Variants in GABRB1 observed in about 807,000 individuals in gnomAD.
GABRB1 encodes gamma-aminobutyric acid receptor subunit beta-1.
GABRB1 carries 17 observed loss-of-function variants against 51.6 expected under a neutral mutation model. The ratio of observed to expected loss-of-function variants is 0.33; its 90% CI spans 0.23 to 0.49. The LOEUF (loss-of-function observed/expected upper bound fraction) is 0.49. Among genes scored for constraint, GABRB1 ranks in the 20% least tolerant of loss-of-function variants. The pLI is 0.99. For missense variants in GABRB1, 410 were observed against 600.6 expected (o/e 0.68, Z 3.32); for synonymous variants, 247 against 218.9 (o/e 1.13, Z -1.14).
At chr4:47,323,422 A>T (rs1330096735) in intron 5 of GABRB1, among the ~76,000 whole-genome samples, 1 of 152,208 alleles carries the variant, frequency 6.6e-6, no homozygotes, top group African/African-American at 2.4e-5. Flanking sequence ...CTAAGTACAT[A>T]ATCAATATGT....
chr4:47,037,298 A>G (rs13116355), intron 3 of GABRB1, among the ~76,000 whole-genome samples: 35,877 of 152,162 alleles, frequency 0.24, 5,451 homozygotes, highest in Middle Eastern at 0.4. Context: ...GCTGTCAGTA[A>G]GTTCTCTGAG....
intron 3 of GABRB1, among the ~76,000 whole-genome samples, chr4:47,041,309 G>A (rs1725825707): frequency 6.6e-6 from 1 of 152,092 alleles, no homozygotes; most frequent in Non-Finnish European, 1.5e-5. Context: ...TCCTCTACAA[G>A]TTGGTCTCCT....
At chr4:47,227,731 G>A (rs1720996952) in intron 4 of GABRB1, among the ~76,000 whole-genome samples, 1 of 152,120 alleles carries the variant, frequency 6.6e-6, no homozygotes, top group South Asian at 2.1e-4. Context: ...TAGACTAGGT[G>A]TCTTAAATAA....
chr4:47,235,559 A>G (rs1288712601), intron 4 of GABRB1, among the ~76,000 whole-genome samples: 1 of 111,650 alleles, frequency 9.0e-6, no homozygotes, highest in African/African-American at 3.0e-5. Flanking sequence ...AAAAAAAACC[A>G]AAAAAAAAAA....
intron 4 of GABRB1, among the ~76,000 whole-genome samples, chr4:47,218,317 T>G (rs565658839): frequency 6.6e-6 from 1 of 151,990 alleles, no homozygotes; most frequent in Non-Finnish European, 1.5e-5. Context: ...GCTATCCCTT[T>G]GATATATTGA....
chr4:47,338,744 G>T (rs1222565156), intron 5 of GABRB1, among the ~76,000 whole-genome samples: 2 of 152,174 alleles, frequency 1.3e-5, no homozygotes, highest in Admixed American at 6.6e-5. Flanking sequence ...GGTAGAAAAG[G>T]AGGTGATGTG....
At chr4:47,123,738 T>C (rs368138879) in intron 3 of GABRB1, among the ~76,000 whole-genome samples, 11 of 34,776 alleles carry the variant, frequency 3.2e-4, no homozygotes, top group South Asian at 7.9e-4. Context: ...TATCATATAT[T>C]ATTATATATA....
rs74871816 is a variant in GABRB1, at chr4:47,287,133, A to AAGAG, written c.462-32980_462-32977dup. On this transcript the variant is annotated intron_variant, in intron 4 of 8. Transcript: ENST00000295454. ...CATTGGGAAAGTCTGAGGTGAGAGAAAGAGAGAGAGAGAGAGATGTATGAA... is the reference window on the plus strand; with the variant it reads ...CATTGGGAAAGTCTGAGGTGAGAGAAAGAGAGAGAGAGAGAGAGAGATGTATGAA... Among the ~76,000 whole-genome samples, 666 of 151,192 alleles carry AAGAG rather than the reference A, an allele frequency of 4.4e-3. 3 individuals are homozygous for AAGAG. Among genetic ancestry groups the AAGAG allele is most frequent in the African/African-American group, 0.015 (612 of 41,336 alleles).
intron 5 of GABRB1, among the ~76,000 whole-genome samples, chr4:47,388,907 C>T (rs1199501555): frequency 1.3e-5 from 2 of 152,118 alleles, no homozygotes; most frequent in Non-Finnish European, 2.9e-5. Context: ...TCTGTTAACA[C>T]AGAGGTGGGC....
At chr4:47,085,805 C>T (rs1382524106) in intron 3 of GABRB1, among the ~76,000 whole-genome samples, 1 of 152,186 alleles carries the variant, frequency 6.6e-6, no homozygotes, top group Non-Finnish European at 1.5e-5. Context: ...TCACATTTGA[C>T]AATTTGTGCC....
At chr4:47,212,159 A>C (rs1720383016) in intron 4 of GABRB1, among the ~76,000 whole-genome samples, 1 of 152,118 alleles carries the variant, frequency 6.6e-6, no homozygotes, top group African/African-American at 2.4e-5. Context: ...TTTTAATATA[A>C]AGCAACACAG....
intron 4 of GABRB1, among the ~76,000 whole-genome samples, chr4:47,207,836 A>G (rs928428453): frequency 1.3e-5 from 2 of 152,200 alleles, no homozygotes; most frequent in East Asian, 3.9e-4. Flanking sequence ...GTAAAGGCAT[A>G]GCATATATTT....
At chr4:47,332,538 T>A (rs1725522805) in intron 5 of GABRB1, among the ~76,000 whole-genome samples, 1 of 152,150 alleles carries the variant, frequency 6.6e-6, no homozygotes, top group Non-Finnish European at 1.5e-5. Context: ...GTTACATTAT[T>A]CTTATCTTTA....
intron 4 of GABRB1, among the ~76,000 whole-genome samples, chr4:47,177,229 T>A (rs562839648): frequency 1.7e-4 from 26 of 152,246 alleles, no homozygotes; most frequent in African/African-American, 6.3e-4. Flanking sequence ...TAGACCTTTT[T>A]ATCTTCAAAG....
chr4:47,014,891 T>A (rs1335119297), intron 1 of GABRB1, among the ~76,000 whole-genome samples: 1 of 71,770 alleles, frequency 1.4e-5, no homozygotes, highest in East Asian at 3.7e-4. Context: ...ATTTAGTAGC[T>A]GTATTTATTT....
rs545456015 is a variant in GABRB1 at position 47,097,978 on chromosome 4, A to G, written c.241-63271A>G. ...CTGTGATTGTAAAATTTCCACTGGC[A>G]CCTTGTTTTGAATCACTCATTTGGC... On this transcript the variant is annotated intron_variant, in intron 3 of 8. Coordinates refer to ENST00000295454, the MANE Select transcript of GABRB1 (RefSeq NM_000812.4). 5.9e-5 allele frequency among the ~76,000 whole-genome samples: 9 copies of G among 152,268 alleles called. 1 individual carries two copies. Among genetic ancestry groups the G allele is most frequent in the African/African-American group, 2.2e-4 (9 of 41,556 alleles).
chr4:47,371,058 G>T (rs555938295), intron 5 of GABRB1, among the ~76,000 whole-genome samples: 2 of 151,654 alleles, frequency 1.3e-5, no homozygotes, highest in Non-Finnish European at 2.9e-5. Context: ...CCCAGCTTCC[G>T]TTAGCTGTTC....
intron 3 of GABRB1, among the ~76,000 whole-genome samples, chr4:47,068,039 T>A (rs1341972241): frequency 6.6e-6 from 1 of 152,204 alleles, no homozygotes; most frequent in Non-Finnish European, 1.5e-5. Context: ...TTCATCCGTG[T>A]CTCTGAAAAG....
intron 4 of GABRB1, among the ~76,000 whole-genome samples, chr4:47,246,347 T>C (rs1332508510): frequency 2.4e-3 from 28 of 11,694 alleles, no homozygotes; most frequent in African/African-American, 3.4e-3. Context: ...CATATATATA[T>C]ATATATATAT....
Sources: gnomAD v4.1 joint callset for allele counts (sites outside exome capture counted in the v4.1 genomes callset) on GRCh38, gnomAD v4.1.1 for gene constraint, MANE v1.5 for transcripts, NCBI Gene and HGNC (gene_info 2026-07-23, HGNC 2026-07-21) for gene names.